The following MSRA variants were observed in gnomAD, a reference collection of about 807,000 sequenced individuals.
MSRA encodes methionine sulfoxide reductase A.
A neutral mutation model predicts 31.3 loss-of-function variants in MSRA; 54 were observed. That is an observed-to-expected ratio of 1.73 (90% CI 1.39 to 2.17). The LOEUF is 2.17. Ranked by LOEUF, MSRA falls within the 30% of genes most tolerant of loss-of-function variation. The probability of loss-of-function intolerance (pLI) is 0.00; values close to 1 mark genes in which losing one functional copy is unlikely to be tolerated. For synonymous variants in MSRA, 169 were observed against 116.5 expected (o/e 1.45, Z -2.90); for missense variants, 507 against 300.9 (o/e 1.69, Z -5.07).
rs190532129 is a variant in MSRA, at chr8:10,233,682, A to T, written c.212-11422A>T. ...CTATCAATTAATCAGCAGTTAAATG[A>T]CACAGAGGATAAGTTGAGATGTGTC... On this transcript the variant is annotated intron_variant, in intron 2 of 5. Transcript: ENST00000317173. 2.6e-5 allele frequency among the ~76,000 whole-genome samples: 4 copies of T among 152,334 alleles called. No homozygotes were observed. The East Asian group carries it at 5.8e-4, about 22-fold the overall frequency.
At position 10,235,930 on chromosome 8, in the gene MSRA, A is replaced by C. The variant is rs529907855; in HGVS notation, c.212-9174A>C. On this transcript the variant is annotated intron_variant, in intron 2 of 5. Transcript: ENST00000317173. ...TGAAATAAAATAGCACAGGTAGTTCAGTGTTAAAATGCTCTATGAGTAGGT... is the reference window on the plus strand; with the variant it reads ...TGAAATAAAATAGCACAGGTAGTTCCGTGTTAAAATGCTCTATGAGTAGGT... 2.0e-5 allele frequency among the ~76,000 whole-genome samples: 3 copies of C among 152,344 alleles called. No homozygotes were observed. In the East Asian group the frequency reaches 5.8e-4, roughly 29 times the overall value.
chr8:10,167,236 G>A (rs1003652403), intron 1 of MSRA, among the ~76,000 whole-genome samples: 1 of 152,202 alleles, frequency 6.6e-6, no homozygotes, highest in African/African-American at 2.4e-5. Flanking sequence ...ATGTTCTGAT[G>A]TCAGTGTTGT....
At chr8:10,245,563 T>C (rs751781576) in intron 3 of MSRA, among the ~76,000 whole-genome samples, 3 of 152,228 alleles carry the variant, frequency 2.0e-5, no homozygotes, top group Non-Finnish European at 4.4e-5. Flanking sequence ...GATTTGCTCA[T>C]GTGGCTAAGG....
intron 1 of MSRA, among the ~76,000 whole-genome samples, chr8:10,199,025 C>G (rs1290064355): frequency 6.6e-6 from 1 of 152,218 alleles, no homozygotes; most frequent in East Asian, 1.9e-4. Flanking sequence ...GACTGAGCAT[C>G]TATTGTGTAT....
At chr8:10,109,702 G>A (rs757136667) in intron 1 of MSRA, among the ~76,000 whole-genome samples, 1 of 152,140 alleles carries the variant, frequency 6.6e-6, no homozygotes, top group Non-Finnish European at 1.5e-5. Context: ...ATATCACACT[G>A]TTTTTGAAGA....
At chr8:10,123,126 C>T (rs773350612) in intron 1 of MSRA, among the ~76,000 whole-genome samples, 34 of 152,178 alleles carry the variant, frequency 2.2e-4, no homozygotes, top group African/African-American at 1.2e-4. Flanking sequence ...CCGCAATGGT[C>T]GAACTAATTC....
Position 10,054,494 on chromosome 8 carries a change from C to T in MSRA, c.-23C>T. On this transcript the variant is annotated 5_prime_UTR_variant, in exon 1 of 6. Transcript: ENST00000317173. ...TGCCGGTAGCGCCGTCCCCCGGGAC[C>T]ACCCTTCGGCTGGCGCCCTCCCATG... The T allele has an allele frequency of 2.6e-6, 4 of 1,558,168 alleles. No homozygotes were observed. The highest frequency in any genetic ancestry group is 1.9e-5 in the Admixed American group (1 of 53,450).
intron 5 of MSRA, among the ~76,000 whole-genome samples, chr8:10,347,196 C>G (rs559188670): frequency 6.6e-6 from 1 of 152,238 alleles, no homozygotes; most frequent in East Asian, 1.9e-4. Flanking sequence ...TTCCCTAGTC[C>G]CTTGCACCGT....
intron 1 of MSRA, among the ~76,000 whole-genome samples, chr8:10,064,310 C>T (rs556148273): frequency 5.3e-5 from 8 of 152,194 alleles, no homozygotes; most frequent in African/African-American, 1.7e-4. Context: ...GCTGGTACCT[C>T]TTCTGTAAGC....
chr8:10,109,677 A>G (rs1247224924), intron 1 of MSRA, among the ~76,000 whole-genome samples: 2 of 152,130 alleles, frequency 1.3e-5, no homozygotes. Context: ...ATTGGAATTT[A>G]AGTGTTTTGA....
At chr8:10,149,909 T>C (rs1322156108) in intron 1 of MSRA, among the ~76,000 whole-genome samples, 1 of 4,416 alleles carries the variant, frequency 2.3e-4, no homozygotes, top group Non-Finnish European at 1.1e-3. Flanking sequence ...TGGTTTTTTT[T>C]TTTTTTTTTT....
chr8:10,294,570 C>G (rs1314955279), intron 3 of MSRA, among the ~76,000 whole-genome samples: 2 of 152,170 alleles, frequency 1.3e-5, no homozygotes, highest in Admixed American at 1.3e-4. Context: ...AGTTCTTGAG[C>G]TCTCCTCTCC....
intron 1 of MSRA, among the ~76,000 whole-genome samples, chr8:10,195,656 C>T (rs1447097148): frequency 1.3e-5 from 2 of 152,112 alleles, no homozygotes; most frequent in Non-Finnish European, 2.9e-5. Context: ...TAATGGAGGC[C>T]AGCTGGCCTG....
intron 5 of MSRA, among the ~76,000 whole-genome samples, chr8:10,349,120 T>G (rs1025827359): frequency 1.3e-5 from 2 of 152,236 alleles, no homozygotes; most frequent in African/African-American, 4.8e-5. Flanking sequence ...ATAATGCAAA[T>G]TATACATGAT....
At chr8:10,375,700 G>A (rs899569635) in intron 5 of MSRA, among the ~76,000 whole-genome samples, 10 of 152,184 alleles carry the variant, frequency 6.6e-5, no homozygotes, top group Non-Finnish European at 1.3e-4. Context: ...AAAACACACA[G>A]GTACACCATG....
At chr8:10,389,151 G>A (rs1029543977) in intron 5 of MSRA, among the ~76,000 whole-genome samples, 1 of 152,092 alleles carries the variant, frequency 6.6e-6, no homozygotes, top group African/African-American at 2.4e-5. Context: ...CCACTCCTGG[G>A]CCCCAGCACA....
At chr8:10,186,479 G>T (rs1278906171) in intron 1 of MSRA, among the ~76,000 whole-genome samples, 5 of 152,098 alleles carry the variant, frequency 3.3e-5, no homozygotes, top group Non-Finnish European at 7.3e-5. Context: ...TGGTTGTTCA[G>T]CCATTAAAAT....
intron 5 of MSRA, among the ~76,000 whole-genome samples, chr8:10,370,907 G>A (rs553180473): frequency 1.3e-5 from 2 of 152,196 alleles, no homozygotes; most frequent in African/African-American, 2.4e-5. Flanking sequence ...AGGCGCCAGC[G>A]TTTTGTTCTG....
At chr8:10,342,038 G>A (rs17708276) in intron 5 of MSRA, among the ~76,000 whole-genome samples, 13,033 of 152,286 alleles carry the variant, frequency 0.086, 768 homozygotes, top group Non-Finnish European at 0.13. Context: ...ATCTAGGAGC[G>A]TCTTTCCACT....
Sources: allele counts gnomAD v4.1 joint callset (sites outside exome capture counted in the v4.1 genomes callset), GRCh38; gene constraint gnomAD v4.1.1; transcripts MANE v1.5; gene names NCBI Gene and HGNC (gene_info 2026-07-23, HGNC 2026-07-21).